Variants in RSBN1L observed in about 807,000 individuals in gnomAD.
RSBN1L encodes round spermatid basic protein 1 like.
In RSBN1L, 30 loss-of-function variants were observed where a neutral mutation model predicts 67.7. The observed-to-expected ratio is 0.44, with a 90% CI of 0.33 to 0.60. The LOEUF is 0.60. Ranked by LOEUF, RSBN1L falls within the 20% of genes least tolerant of loss-of-function variation. The pLI, the probability that RSBN1L is intolerant of heterozygous loss-of-function variation, is 0.02. For synonymous variants in RSBN1L, 433 were observed against 387.0 expected (o/e 1.12, Z -1.39); for missense variants, 992 against 1,031.7 (o/e 0.96, Z 0.53).
At chr7:77,778,470 T>A in intron 7 of RSBN1L, 24 bp downstream of exon 7, 1 of 1,595,888 alleles carries the variant, frequency 6.3e-7, no homozygotes, top group Non-Finnish European at 8.5e-7. Context: ...ACTTACTGTC[T>A]TTGGTTTAGT....
rs554243314 is a variant in RSBN1L, at chr7:77,775,404, C to T, written c.1793+2090C>T. ...ACAAAAATTAGCTGGGCATGCATGC[C>T]TATAACGCCAGCTATTTGGGAGGCT... On this transcript the variant is annotated intron_variant, in intron 6 of 7. Transcript: ENST00000334955. Among the ~76,000 whole-genome samples the T allele has an allele frequency of 5.3e-5, 8 of 152,072 alleles. 1 individual carries two copies. The highest frequency in any genetic ancestry group is 6.5e-5 in the Admixed American group (1 of 15,288).
In RSBN1L at chr7:77,781,199, A is replaced by C. The variant is rs1209692924; in HGVS notation, c.*2031A>C. 1 of 152,332 alleles carries C rather than the reference A, an allele frequency of 6.6e-6. No individual in the cohort carries two copies. Among genetic ancestry groups the C allele is most frequent in the South Asian group, 2.1e-4 (1 of 4,828 alleles). 9.4% of individuals were successfully genotyped at this position (152,332 alleles called of 1,614,324 possible). A position where few individuals can be genotyped will look rare whatever the true frequency, so the allele number is the denominator to read the frequency against. ...TAGGCAAATATCATAGGAAATCTTCATGGTTTGTAGGAAATCAGTGTTTGC... is the reference window on the plus strand; with the variant it reads ...TAGGCAAATATCATAGGAAATCTTCCTGGTTTGTAGGAAATCAGTGTTTGC... On this transcript the variant is annotated 3_prime_UTR_variant, in exon 8 of 8. Transcript: ENST00000334955.
At chr7:77,733,316 T>A (rs1211269333) in intron 1 of RSBN1L, among the ~76,000 whole-genome samples, 1 of 152,138 alleles carries the variant, frequency 6.6e-6, no homozygotes, top group Non-Finnish European at 1.5e-5. Context: ...ATAGATGGGA[T>A]TATTTGTGTT....
At chr7:77,776,289 A>G (rs1185041451) in intron 6 of RSBN1L, among the ~76,000 whole-genome samples, 3 of 152,224 alleles carry the variant, frequency 2.0e-5, no homozygotes, top group Non-Finnish European at 4.4e-5. Flanking sequence ...CACGTATCAT[A>G]CAGTTCACCC....
intron 1 of RSBN1L, among the ~76,000 whole-genome samples, chr7:77,727,957 C>T (rs11765986): frequency 0.24 from 36,623 of 151,924 alleles, 4,651 homozygotes; most frequent in South Asian, 0.29. Flanking sequence ...ACTTATGTAT[C>T]CATTGCTTCA....
Position 77,773,291 on chromosome 7 carries a change from G to C in RSBN1L, c.1770G>C (p.Leu590=). Residue 590 remains leucine, a synonymous_variant, in exon 6 of 8, where the codon CTG becomes CTC. Coordinates refer to ENST00000334955, the MANE Select transcript of RSBN1L (RefSeq NM_198467.3). ...AGACTACAGCTGCTGTTGGAGTGCT[G>C]AAGGCTGTGCACTGTGGAGAGTGGT... ...ERQTTAAVGV[L]KAVHCGEWPD... is the part of the protein sequence containing the mutation. The C allele has an allele frequency of 6.2e-7, 1 of 1,604,078 alleles. No homozygotes were observed. Among genetic ancestry groups the C allele is most frequent in the South Asian group, 1.1e-5 (1 of 88,864 alleles).
At chr7:77,778,089 A>G (rs149119286) in intron 6 of RSBN1L, among the ~76,000 whole-genome samples, 241 of 152,266 alleles carry the variant, frequency 1.6e-3, no homozygotes, top group African/African-American at 4.9e-3. Flanking sequence ...GATCATTTCA[A>G]TTTTCCAAAC....
At chr7:77,745,452 G>A (rs1018454067) in intron 2 of RSBN1L, among the ~76,000 whole-genome samples, 1 of 152,096 alleles carries the variant, frequency 6.6e-6, no homozygotes, top group Non-Finnish European at 1.5e-5. Flanking sequence ...TAATATAAAG[G>A]TTATTTGTTT....
intron 6 of RSBN1L, among the ~76,000 whole-genome samples, chr7:77,777,299 A>G (rs914798472): frequency 5.9e-5 from 9 of 152,106 alleles, no homozygotes; most frequent in Non-Finnish European, 1.3e-4. Flanking sequence ...TTTAAAGAGA[A>G]TAAAACCTCT....
intron 2 of RSBN1L, among the ~76,000 whole-genome samples, chr7:77,745,433 A>C (rs1300256918): frequency 6.6e-6 from 1 of 152,186 alleles, no homozygotes; most frequent in Non-Finnish European, 1.5e-5. Context: ...GTATCATTTC[A>C]CTCTAAATTA....
intron 1 of RSBN1L, among the ~76,000 whole-genome samples, chr7:77,703,990 A>T (rs549973565): frequency 3.9e-4 from 59 of 152,278 alleles, no homozygotes; most frequent in African/African-American, 1.3e-3. Context: ...ATCCGTTATA[A>T]AGGGATGATA....
chr7:77,768,627 A>C (rs762974853), intron 4 of RSBN1L, 34 bp from the exon 5 acceptor site: 2 of 1,592,518 alleles, frequency 1.3e-6, no homozygotes, highest in South Asian at 2.2e-5. Flanking sequence ...ACATTTTGAA[A>C]ATAATTGCAA....
At chr7:77,740,904 G>T (rs1403844444) in intron 2 of RSBN1L, among the ~76,000 whole-genome samples, 1 of 151,258 alleles carries the variant, frequency 6.6e-6, no homozygotes, top group Non-Finnish European at 1.5e-5. Flanking sequence ...TGTATCTGTG[G>T]TACTTTGTGT....
rs183066164 is a variant in RSBN1L at position 77,725,915 on chromosome 7, A to G, written c.587-10495A>G. On this transcript the variant is annotated intron_variant, in intron 1 of 7. Coordinates refer to ENST00000334955, the MANE Select transcript of RSBN1L (RefSeq NM_198467.3). ...ATCTAGTTTATTTTTAAAAACCTAAATATACTATATATATGCCTTTTTCTG... is the reference window on the plus strand; with the variant it reads ...ATCTAGTTTATTTTTAAAAACCTAAGTATACTATATATATGCCTTTTTCTG... Among the ~76,000 whole-genome samples the G allele has an allele frequency of 5.0e-4, 76 of 152,112 alleles. 1 individual carries two copies. The South Asian group carries it at 0.011, about 23-fold the overall frequency.
chr7:77,697,352 T>G (rs1467542405), intron 1 of RSBN1L: 1 of 306,946 alleles, frequency 3.3e-6, no homozygotes, highest in African/African-American at 2.2e-5. Context: ...CTCCTAGGTT[T>G]GTTTGGCTAG....
At position 77,768,809 on chromosome 7, in the gene RSBN1L, T is replaced by C. The variant is rs202191919; in HGVS notation, c.1625+6T>C. On this transcript the variant is annotated splice_donor_region_variant and intron_variant, in intron 5 of 7. Transcript: ENST00000334955. Reference sequence around the variant, plus strand: ...TCACCTTTCAAAAGGAAAAGGTATGTTGTATACACATTTTTATTGGAGGGG... The same window carrying C: ...TCACCTTTCAAAAGGAAAAGGTATGCTGTATACACATTTTTATTGGAGGGG... The C allele has an allele frequency of 1.9e-4, 306 of 1,613,582 alleles. 2 individuals are homozygous for C. In the African/African-American group the frequency reaches 3.7e-3, roughly 20 times the overall value.
intron 2 of RSBN1L, among the ~76,000 whole-genome samples, chr7:77,737,363 A>G (rs1186526702): frequency 6.6e-6 from 1 of 152,182 alleles, no homozygotes; most frequent in Non-Finnish European, 1.5e-5. Context: ...ATAAGGCTTT[A>G]TATTTGCTTG....
chr7:77,718,612 G>C (rs1025824941), intron 1 of RSBN1L, among the ~76,000 whole-genome samples: 7 of 152,032 alleles, frequency 4.6e-5, no homozygotes, highest in African/African-American at 1.4e-4. Flanking sequence ...TTGTAAGACA[G>C]TTTTCTACTT....
At chr7:77,762,391 T>G (rs1156402409) in intron 3 of RSBN1L, among the ~76,000 whole-genome samples, 1 of 152,166 alleles carries the variant, frequency 6.6e-6, no homozygotes, top group Non-Finnish European at 1.5e-5. Flanking sequence ...GGTTTTTGAT[T>G]TATTCAGTCT....
Sources: gnomAD v4.1 joint callset for allele counts (sites outside exome capture counted in the v4.1 genomes callset) on GRCh38, gnomAD v4.1.1 for gene constraint, MANE v1.5 for transcripts, NCBI Gene and HGNC (gene_info 2026-07-23, HGNC 2026-07-21) for gene names.